The following PPP1R1C variants were observed in gnomAD, a reference collection of about 807,000 sequenced individuals.
PPP1R1C encodes protein phosphatase 1 regulatory subunit 1C.
PPP1R1C carries 15 observed loss-of-function variants against 17.4 expected under a neutral mutation model. That is an observed-to-expected ratio of 0.86 (90% CI 0.58 to 1.33). The LOEUF is 1.33. Among genes scored for constraint, PPP1R1C ranks in the 40% most tolerant of loss-of-function variants. The probability of loss-of-function intolerance (pLI) is 0.00; values close to 1 mark genes in which losing one functional copy is unlikely to be tolerated. For missense variants in PPP1R1C, 143 were observed against 130.0 expected (o/e 1.10, Z -0.48); for synonymous variants, 35 against 43.1 (o/e 0.81, Z 0.73).
chr2:182,095,697 A>G (rs555038779), intron 4 of PPP1R1C, among the ~76,000 whole-genome samples: 4 of 152,280 alleles, frequency 2.6e-5, no homozygotes, highest in African/African-American at 9.6e-5. Context: ...TACCCATCAG[A>G]TGGGTAGTAA....
chr2:182,091,369 A>G (rs1233641622), intron 4 of PPP1R1C, among the ~76,000 whole-genome samples: 2 of 152,152 alleles, frequency 1.3e-5, no homozygotes, highest in African/African-American at 2.4e-5. Flanking sequence ...TCTATAAACA[A>G]TTTCAGTAAA....
At chr2:182,121,557 G>C (rs991568561), downstream of PPP1R1C, among the ~76,000 whole-genome samples, 1 of 151,882 alleles carries the variant, frequency 6.6e-6, no homozygotes, top group Non-Finnish European at 1.5e-5. Context: ...GCACCATCTC[G>C]GCTTACTGAA....
chr2:182,051,244 A>G (rs1446818142), intron 2 of PPP1R1C, among the ~76,000 whole-genome samples: 4 of 152,228 alleles, frequency 2.6e-5, no homozygotes, highest in Non-Finnish European at 5.9e-5. Flanking sequence ...CTCCTGAAAG[A>G]TAGAAGAAAA....
intron 2 of PPP1R1C, among the ~76,000 whole-genome samples, chr2:182,046,097 C>T (rs1687336864): frequency 8.2e-5 from 1 of 12,124 alleles, no homozygotes; most frequent in Admixed American, 6.2e-4. Context: ...CCTACATTTC[C>T]TTCCTTCCTT....
chr2:181,978,453 C>T (rs1685136775), intron 2 of PPP1R1C, among the ~76,000 whole-genome samples: 2 of 152,154 alleles, frequency 1.3e-5, no homozygotes. Flanking sequence ...ACTTGAATAG[C>T]TAGGGATTAG....
At chr2:182,124,314 G>GTTTTTTTTT (rs796745919) in intron 5 of PPP1R1C, among the ~76,000 whole-genome samples, 11 of 42,084 alleles carry the variant, frequency 2.6e-4, no homozygotes, top group East Asian at 7.0e-4. Context: ...GTTTTTTTTT[G>GTTTTTTTTT]TTTTTTTTTT....
chr2:182,036,458 T>C (rs528253101), intron 2 of PPP1R1C, among the ~76,000 whole-genome samples: 1 of 152,356 alleles, frequency 6.6e-6, no homozygotes, highest in South Asian at 2.1e-4. Flanking sequence ...ATAACTAAAA[T>C]GCACAAACAT....
chr2:182,042,647 G>C (rs771145744), intron 2 of PPP1R1C, among the ~76,000 whole-genome samples: 1 of 152,200 alleles, frequency 6.6e-6, no homozygotes, highest in Non-Finnish European at 1.5e-5. Context: ...CATGTGGCAT[G>C]AGGTTGAGGT....
At chr2:182,006,645 A>G (rs1685932981) in intron 2 of PPP1R1C, among the ~76,000 whole-genome samples, 1 of 152,216 alleles carries the variant, frequency 6.6e-6, no homozygotes, top group Non-Finnish European at 1.5e-5. Flanking sequence ...CTTAAGTTTT[A>G]AGCAGTTTCT....
At chr2:182,012,506 G>A (rs147450079) in intron 2 of PPP1R1C, among the ~76,000 whole-genome samples, 97 of 152,000 alleles carry the variant, frequency 6.4e-4, no homozygotes, top group African/African-American at 2.2e-3. Context: ...GTCTTTATAG[G>A]TGAAGTGTGT....
intron 2 of PPP1R1C, among the ~76,000 whole-genome samples, chr2:182,015,968 G>A (rs34107300): frequency 4.1e-3 from 624 of 152,196 alleles, no homozygotes; most frequent in Non-Finnish European, 6.9e-3. Flanking sequence ...TGCCGGCTCC[G>A]AGCCCAGCAC....
intron 2 of PPP1R1C, among the ~76,000 whole-genome samples, chr2:182,043,794 C>T (rs1687257828): frequency 6.6e-6 from 1 of 152,110 alleles, no homozygotes; most frequent in African/African-American, 2.4e-5. Flanking sequence ...TTCTCTAGTC[C>T]TCCACCGTCT....
intron 1 of PPP1R1C, among the ~76,000 whole-genome samples, chr2:181,966,448 T>C (rs977670376): frequency 3.9e-5 from 6 of 152,210 alleles, no homozygotes; most frequent in Admixed American, 2.6e-4. Context: ...GTATGTCATA[T>C]ATGGCTTTTA....
intron 2 of PPP1R1C, among the ~76,000 whole-genome samples, chr2:181,978,554 C>T (rs542055671): frequency 1.3e-5 from 2 of 152,206 alleles, no homozygotes; most frequent in South Asian, 4.1e-4. Context: ...CACTGGAGTA[C>T]TCACAGGTGG....
At chr2:182,031,521 A>T (rs1353297843) in intron 2 of PPP1R1C, among the ~76,000 whole-genome samples, 1 of 152,216 alleles carries the variant, frequency 6.6e-6, no homozygotes, top group African/African-American at 2.4e-5. Flanking sequence ...ATGACTTAGG[A>T]TGTCATCATT....
chr2:182,074,955 T>C (rs1688250597), intron 4 of PPP1R1C, among the ~76,000 whole-genome samples: 2 of 152,174 alleles, frequency 1.3e-5, no homozygotes, highest in South Asian at 4.1e-4. Flanking sequence ...CTAGGTCAGA[T>C]TTTGAGGAAG....
At chr2:181,981,183 C>T (rs1034632567), upstream of PPP1R1C, among the ~76,000 whole-genome samples, 19 of 152,084 alleles carry the variant, frequency 1.2e-4, no homozygotes, top group Non-Finnish European at 4.4e-5. Context: ...CCGCCTCGGC[C>T]TCCCAAAGTG....
chr2:182,076,459 A>G (rs576624272), intron 4 of PPP1R1C, among the ~76,000 whole-genome samples: 1 of 151,930 alleles, frequency 6.6e-6, no homozygotes, highest in East Asian at 1.9e-4. Context: ...TGCAAGCAAG[A>G]AGTACTTGTT....
At chr2:181,986,339 C>G (rs1362358779) in intron 1 of PPP1R1C, 148 bp downstream of exon 1, 2 of 652,728 alleles carry the variant, frequency 3.1e-6, no homozygotes, top group African/African-American at 1.8e-5. Flanking sequence ...GGTTTTTACA[C>G]ATACTTGTAT....
Sources: allele counts gnomAD v4.1 joint callset (sites outside exome capture counted in the v4.1 genomes callset), GRCh38; gene constraint gnomAD v4.1.1; transcripts MANE v1.5; gene names NCBI Gene and HGNC (gene_info 2026-07-23, HGNC 2026-07-21).